NVL: variants seen among roughly 807,000 people sequenced by gnomAD.
The protein encoded by NVL is nuclear valosin-containing protein-like.
NVL carries 84 observed loss-of-function variants against 110.2 expected under a neutral mutation model. The ratio of observed to expected loss-of-function variants is 0.76; its 90% CI spans 0.64 to 0.91. The LOEUF (loss-of-function observed/expected upper bound fraction) is 0.91. NVL is among the 40% of genes least tolerant of loss of function. The pLI, the probability that NVL is intolerant of heterozygous loss-of-function variation, is 0.00. For synonymous variants in NVL, 354 were observed against 361.1 expected, an observed-to-expected ratio of 0.98 and a Z score of 0.22; for missense variants, 882 against 1,035.9, an observed-to-expected ratio of 0.85 and a Z score of 2.04.
At chr1:224,234,834 T>G (rs1660290417) in intron 20 of NVL, among the ~76,000 whole-genome samples, 1 of 152,152 alleles carries the variant, frequency 6.6e-6, no homozygotes, top group African/African-American at 2.4e-5. Context: ...ACCATTCAAC[T>G]TTAGCCCTAA....
intron 18 of NVL, among the ~76,000 whole-genome samples, chr1:224,253,275 C>G (rs892554429): frequency 6.6e-6 from 1 of 151,088 alleles, no homozygotes; most frequent in African/African-American, 2.4e-5. Context: ...TGGTCTTGAG[C>G]TCCTGACCTC....
intron 5 of NVL, among the ~76,000 whole-genome samples, chr1:224,310,769 C>T (rs886978734): frequency 3.3e-5 from 5 of 151,738 alleles, no homozygotes; most frequent in South Asian, 2.1e-4. Context: ...TAAGGTCTGT[C>T]GCCCAGGCTG....
intron 16 of NVL, among the ~76,000 whole-genome samples, chr1:224,277,057 CT>C (rs1166693276): frequency 6.6e-6 from 1 of 152,034 alleles, no homozygotes; most frequent in African/African-American, 2.4e-5. Flanking sequence ...TTTCTTTGCT[CT>C]TAAAGTACTT....
chr1:224,325,673 C>T (rs1049384491), intron 2 of NVL, among the ~76,000 whole-genome samples: 5 of 152,112 alleles, frequency 3.3e-5, no homozygotes, highest in Non-Finnish European at 5.9e-5. Flanking sequence ...GCGGAGGTTG[C>T]GGTGAGCTGA....
At chr1:224,254,145 G>A (rs1009113057) in intron 18 of NVL, among the ~76,000 whole-genome samples, 1 of 152,080 alleles carries the variant, frequency 6.6e-6, no homozygotes, top group Non-Finnish European at 1.5e-5. Context: ...AGGCTGGAGT[G>A]CAGTGGCATG....
At chr1:224,325,979 G>A (rs1671106258) in intron 2 of NVL, among the ~76,000 whole-genome samples, 1 of 151,932 alleles carries the variant, frequency 6.6e-6, no homozygotes, top group East Asian at 1.9e-4. Flanking sequence ...TGTACAGATG[G>A]GGTTTCACCA....
chr1:224,301,235 G>T (rs1175490396), intron 9 of NVL, among the ~76,000 whole-genome samples: 2 of 152,102 alleles, frequency 1.3e-5, no homozygotes, highest in African/African-American at 4.8e-5. Context: ...ACTTTCAAGA[G>T]GTATGTTATC....
intron 18 of NVL, among the ~76,000 whole-genome samples, chr1:224,265,744 G>T (rs1403956683): frequency 2.6e-5 from 4 of 152,090 alleles, no homozygotes; most frequent in Admixed American, 2.0e-4. Context: ...TCAAGAGAGT[G>T]GGTAAGTTAT....
rs186449483 is a variant in NVL at position 224,254,764 on chromosome 1, C to T, written c.2183-4446G>A. 3.6e-3 allele frequency among the ~76,000 whole-genome samples: 540 copies of T among 151,618 alleles called. 5 individuals are homozygous for T. The highest frequency in any genetic ancestry group is 0.012 in the African/African-American group (507 of 41,346). ...ACATTGTGGAATGGCCAAGTTGAGACAACTGACACAGGCATTACCTCATAT... is the reference window on the plus strand; with the variant it reads ...ACATTGTGGAATGGCCAAGTTGAGATAACTGACACAGGCATTACCTCATAT... On this transcript the variant is annotated intron_variant, in intron 18 of 22. Coordinates refer to ENST00000281701, the MANE Select transcript of NVL (RefSeq NM_002533.4).
rs150509891 is a variant in NVL, at chr1:224,275,372, C to T, written c.2049G>A (p.Val683=). 11,306 of 1,614,110 alleles carry T rather than the reference C, an allele frequency of 7.0e-3. 73 individuals are homozygous for T. Among genetic ancestry groups the T allele is most frequent in the Non-Finnish European group, 8.7e-3 (10,272 of 1,179,986 alleles). The change falls in exon 17 of 23, where the codon GTG becomes GTA. Residue 683 remains valine, a synonymous_variant. Coordinates refer to ENST00000281701, the MANE Select transcript of NVL (RefSeq NM_002533.4). ...SAPCVIFFDE[V]DALCPRRSDR... ...CTGATCTTCGAGGACATAAAGCATC[C>T]ACTTCATCAAAGAATATCACACAGG... is the stretch of plus-strand genomic sequence containing the variant.
intron 1 of NVL, among the ~76,000 whole-genome samples, chr1:224,329,695 C>T (rs2068945): frequency 0.059 from 9,038 of 152,230 alleles, 845 homozygotes; most frequent in African/African-American, 0.2. Context: ...ATTTATGCCA[C>T]CCCTTCTCAA....
chr1:224,275,472 G>A lies in NVL; in HGVS notation c.1963-14C>T. 1 of 1,613,878 alleles carries A rather than the reference G, an allele frequency of 6.2e-7. No individual in the cohort carries two copies. The highest frequency in any genetic ancestry group is 1.7e-5 in the Admixed American group (1 of 59,990). On this transcript the variant is annotated splice_polypyrimidine_tract_variant and intron_variant, in intron 16 of 22. Transcript: ENST00000281701. ...CTCACCAACATACTAAACATACACA[G>A]AAAGGAAATAAAATACCAACAGTTC...
At chr1:224,260,449 G>A (rs752444031) in intron 18 of NVL, among the ~76,000 whole-genome samples, 11 of 151,932 alleles carry the variant, frequency 7.2e-5, no homozygotes, top group Non-Finnish European at 1.3e-4. Flanking sequence ...AGTAGAGACG[G>A]GTTTCACCAT....
chr1:224,275,896 T>C (rs1254410902), intron 16 of NVL, among the ~76,000 whole-genome samples: 1 of 152,230 alleles, frequency 6.6e-6, no homozygotes, highest in African/African-American at 2.4e-5. Flanking sequence ...CAAGTCGTCT[T>C]ACTAAATAAA....
chr1:224,249,759 G>A (rs1055933890), intron 19 of NVL, among the ~76,000 whole-genome samples: 3 of 151,968 alleles, frequency 2.0e-5, no homozygotes, highest in African/African-American at 7.2e-5. Flanking sequence ...AAAAGGATAG[G>A]GTCTTGCTCT....
chr1:224,290,694 C>T (rs1377846673), intron 12 of NVL, among the ~76,000 whole-genome samples: 8 of 150,918 alleles, frequency 5.3e-5, no homozygotes, highest in South Asian at 2.1e-4. Flanking sequence ...CCCAGCTACT[C>T]GGGAGGCTGA....
At position 224,300,660 on chromosome 1, in the gene NVL, G is replaced by C; in HGVS notation, c.964C>G (p.Leu322Val). 6.2e-7 allele frequency: 1 copy of C among 1,612,162 alleles called. No individual in the cohort carries two copies. Among genetic ancestry groups the C allele is most frequent in the Non-Finnish European group, 8.5e-7 (1 of 1,178,428 alleles). ...TLLAHAIAGE[L>V]DLPILKVAAP... ...GCCACTTTCAAAATTGGCAGGTCAA[G>C]TTCCTATGCAGACACATAAAAGAAT... The change falls in exon 10 of 23, where the codon CTT becomes GTT. Residue 322 changes from leucine (L) to valine (V), a missense_variant. Transcript: ENST00000281701.
intron 18 of NVL, among the ~76,000 whole-genome samples, chr1:224,257,482 A>G (rs73128451): frequency 0.011 from 1,635 of 151,654 alleles, 24 homozygotes; most frequent in African/African-American, 0.036. Context: ...AATCTTTGCA[A>G]CAAAGGTGCT....
chr1:224,247,068 A>C (rs892248316), intron 19 of NVL, among the ~76,000 whole-genome samples: 4 of 148,720 alleles, frequency 2.7e-5, no homozygotes, highest in Non-Finnish European at 6.0e-5. Context: ...AAAAAAAAAA[A>C]AAAAAACAGA....
Sources: allele counts gnomAD v4.1 joint callset (sites outside exome capture counted in the v4.1 genomes callset), GRCh38; gene constraint gnomAD v4.1.1; transcripts MANE v1.5; gene names NCBI Gene and HGNC (gene_info 2026-07-23, HGNC 2026-07-21).